TEX36: variants seen among roughly 807,000 people sequenced by gnomAD.
The protein encoded by TEX36 is testis-expressed protein 36.
Under a neutral mutation model 13.6 loss-of-function variants are expected in TEX36, and 12 were observed. The observed-to-expected ratio is 0.88, with a 90% CI of 0.56 to 1.43. TEX36 has a LOEUF of 1.43. TEX36 is among the 40% of genes most tolerant of loss of function. TEX36 has a pLI of 0.00. For synonymous variants in TEX36, 93 were observed against 83.0 expected (o/e 1.12, Z -0.65); for missense variants, 224 against 228.3 (o/e 0.98, Z 0.12).
At chr10:125,653,499 A>AG (rs1472031221), downstream of TEX36, among the ~76,000 whole-genome samples, 1 of 35,314 alleles carries the variant, frequency 2.8e-5, no homozygotes, top group South Asian at 1.1e-3. Context: ...GGGTGGGGGG[A>AG]GGGGGGAGGG....
intron 3 of TEX36, among the ~76,000 whole-genome samples, chr10:125,601,970 G>A (rs1846153747): frequency 6.6e-6 from 1 of 152,172 alleles, no homozygotes; most frequent in Non-Finnish European, 1.5e-5. Context: ...TGCCAAAGAT[G>A]CACATCCAAG....
intron 3 of TEX36, among the ~76,000 whole-genome samples, chr10:125,638,478 C>A (rs1299599082): frequency 6.6e-6 from 1 of 152,076 alleles, no homozygotes; most frequent in Non-Finnish European, 1.5e-5. Flanking sequence ...TCCCCCTGGA[C>A]CCCCAGAAGG....
chr10:125,600,536 T>G (rs1004675637), intron 3 of TEX36, among the ~76,000 whole-genome samples: 23 of 152,216 alleles, frequency 1.5e-4, no homozygotes, highest in African/African-American at 5.3e-4. Flanking sequence ...TGTTTCTATT[T>G]GAATTACTTA....
rs956130043 is a variant in TEX36 at position 125,578,088 on chromosome 10, T to C, written c.265-1214A>G. The C allele has an allele frequency of 9.2e-5, 14 of 152,202 alleles. No homozygotes were observed. In the East Asian group the frequency reaches 2.5e-3, roughly 27 times the overall value. 9.4% of individuals were successfully genotyped at this position (152,202 alleles called of 1,614,324 possible). A position where few individuals can be genotyped will look rare whatever the true frequency, so the allele number is the denominator to read the frequency against. ...TCCACTGGACAGCCTTGAATGCTAG[T>C]GGAGGGTGGTGCTCTCCTGCCACAG... On this transcript the variant is annotated intron_variant, in intron 3 of 3. Transcript: ENST00000532135.
At chr10:125,639,106 T>A (rs1262353906) in intron 3 of TEX36, among the ~76,000 whole-genome samples, 3 of 152,236 alleles carry the variant, frequency 2.0e-5, no homozygotes, top group Non-Finnish European at 4.4e-5. Flanking sequence ...ATTCCTTATC[T>A]GGCAGATAAA....
At chr10:125,616,378 G>A (rs1308173533) in intron 3 of TEX36, among the ~76,000 whole-genome samples, 1 of 141,168 alleles carries the variant, frequency 7.1e-6, no homozygotes, top group Non-Finnish European at 1.5e-5. Context: ...TGTGATGTTA[G>A]GGTGTCAATT....
chr10:125,681,530 A>G (rs1035559384), intron 1 of TEX36, among the ~76,000 whole-genome samples: 2 of 152,164 alleles, frequency 1.3e-5, no homozygotes, highest in African/African-American at 2.4e-5. Context: ...GTGGTGCCCA[A>G]ATATCTACCA....
chr10:125,649,547 A>C (rs1846821314), intron 3 of TEX36, among the ~76,000 whole-genome samples: 1 of 152,244 alleles, frequency 6.6e-6, no homozygotes. Context: ...CTGCAAAAAC[A>C]TGTCAAACTG....
chr10:125,623,577 A>G (rs1469421364), intron 3 of TEX36, among the ~76,000 whole-genome samples: 1 of 144,302 alleles, frequency 6.9e-6, no homozygotes, highest in East Asian at 2.1e-4. Context: ...TGGTTTCCAA[A>G]TGAAAAAAAA....
chr10:125,589,870 C>T (rs79210953), intron 3 of TEX36, among the ~76,000 whole-genome samples: 2,242 of 152,132 alleles, frequency 0.015, 20 homozygotes, highest in Middle Eastern at 0.034. Context: ...ATTCAGTGTA[C>T]GCTCATCTTC....
intron 3 of TEX36, among the ~76,000 whole-genome samples, chr10:125,613,138 G>T (rs1385944979): frequency 1.3e-5 from 2 of 150,888 alleles, no homozygotes; most frequent in African/African-American, 4.9e-5. Flanking sequence ...GAAAGCTAGG[G>T]TCAGTCCCAG....
intron 3 of TEX36, among the ~76,000 whole-genome samples, chr10:125,628,496 G>GAGCA (rs1226586110): frequency 1.3e-5 from 2 of 152,172 alleles, no homozygotes; most frequent in Non-Finnish European, 2.9e-5. Flanking sequence ...TGGAATAGAT[G>GAGCA]AGCATATCAG....
intron 3 of TEX36, among the ~76,000 whole-genome samples, chr10:125,579,000 T>G (rs1358380340): frequency 1.3e-5 from 2 of 152,202 alleles, no homozygotes; most frequent in Admixed American, 1.3e-4. Flanking sequence ...CCTTGGCACA[T>G]GCTCATGCCT....
At chr10:125,653,789 G>A (rs1846901486), downstream of TEX36, among the ~76,000 whole-genome samples, 1 of 152,054 alleles carries the variant, frequency 6.6e-6, no homozygotes, top group South Asian at 2.1e-4. Flanking sequence ...GACCAGCCTG[G>A]GCAACATAGC....
chr10:125,671,557 A>G (rs992807182), intron 1 of TEX36, among the ~76,000 whole-genome samples: 6 of 152,206 alleles, frequency 3.9e-5, no homozygotes, highest in Admixed American at 1.3e-4. Context: ...GCATTTTTGC[A>G]TCAATGTTCA....
chr10:125,602,372 A>C lies in TEX36; in HGVS notation c.265-25498T>G, dbSNP rs534409035. 3.3e-5 allele frequency among the ~76,000 whole-genome samples: 5 copies of C among 152,224 alleles called. No individual in the cohort carries two copies. In the East Asian group the frequency reaches 9.7e-4, roughly 29 times the overall value. On this transcript the variant is annotated intron_variant, in intron 3 of 3. Coordinates refer to the TEX36 transcript ENST00000532135. ...CTTTTCATCTATTAAAAAAATTCTC[A>C]GCTCTCATCACATCCCTCTACCACT...
chr10:125,591,018 T>G (rs12781789), intron 3 of TEX36, among the ~76,000 whole-genome samples: 66,350 of 151,938 alleles, frequency 0.44, 14,708 homozygotes, highest in East Asian at 0.61. Context: ...CAACGGGCCC[T>G]GCCTGCACTG....
At chr10:125,657,188 T>C (rs1846960498) in intron 3 of TEX36, among the ~76,000 whole-genome samples, 1 of 152,184 alleles carries the variant, frequency 6.6e-6, no homozygotes, top group Non-Finnish European at 1.5e-5. Flanking sequence ...AAGTGAGGTT[T>C]CTGTGATGAA....
At chr10:125,595,823 C>T (rs1396381487) in intron 3 of TEX36, among the ~76,000 whole-genome samples, 1 of 152,186 alleles carries the variant, frequency 6.6e-6, no homozygotes, top group Non-Finnish European at 1.5e-5. Flanking sequence ...CTGCCTAGTA[C>T]ATAGCATTAC....
Sources: gnomAD v4.1 joint callset for allele counts (sites outside exome capture counted in the v4.1 genomes callset) on GRCh38, gnomAD v4.1.1 for gene constraint, MANE v1.5 for transcripts, NCBI Gene and HGNC (gene_info 2026-07-23, HGNC 2026-07-21) for gene names.